The following ELAVL1 variants were observed in gnomAD, a reference collection of about 807,000 sequenced individuals.
The protein encoded by ELAVL1 is ELAV-like protein 1.
In ELAVL1, 1 loss-of-function variant was observed where a neutral mutation model predicts 28.4. The observed-to-expected ratio is 0.04, with a 90% CI of 0.01 to 0.17. The LOEUF is 0.17. Among genes scored for constraint, ELAVL1 ranks in the 10% least tolerant of loss-of-function variants. The pLI, the probability that ELAVL1 is intolerant of heterozygous loss-of-function variation, is 1.00. For missense variants in ELAVL1, 157 were observed against 447.2 expected (o/e 0.35, Z 5.85); for synonymous variants, 174 against 183.5 (o/e 0.95, Z 0.42).
intron 3 of ELAVL1, among the ~76,000 whole-genome samples, chr19:7,976,537 A>T (rs2145209030): frequency 6.6e-6 from 1 of 152,342 alleles, no homozygotes; most frequent in South Asian, 2.1e-4. Flanking sequence ...CTCTAAAGCA[A>T]GCAGTGCCAG....
chr19:8,003,594 A>G (rs2081076601), intron 1 of ELAVL1, among the ~76,000 whole-genome samples: 1 of 148,868 alleles, frequency 6.7e-6, no homozygotes, highest in African/African-American at 2.5e-5. Flanking sequence ...CGGGAGGCTG[A>G]GGCAGAAGAA....
intron 1 of ELAVL1, among the ~76,000 whole-genome samples, chr19:7,998,293 C>T (rs1392116438): frequency 6.6e-6 from 1 of 152,226 alleles, no homozygotes; most frequent in African/African-American, 2.4e-5. Context: ...GTCGTAGCCA[C>T]TTCTGTCTCT....
Position 7,973,710 on chromosome 19 carries a change from G to A in ELAVL1, c.430+15C>T. 6.2e-7 allele frequency: 1 copy of A among 1,610,008 alleles called. No homozygotes were observed. Among genetic ancestry groups the A allele is most frequent in the Non-Finnish European group, 8.5e-7 (1 of 1,176,966 alleles). ...AGAGAACACCCTCCCCACGCGTCTGGGGCCCCTCTGGTACCTGTAGTCTGA... is the reference window on the plus strand; with the variant it reads ...AGAGAACACCCTCCCCACGCGTCTGAGGCCCCTCTGGTACCTGTAGTCTGA... On this transcript the variant is annotated intron_variant, in intron 4 of 5. Coordinates refer to ENST00000407627, the MANE Select transcript of ELAVL1 (RefSeq NM_001419.3).
chr19:7,985,116 C>T (rs771896777), intron 2 of ELAVL1, among the ~76,000 whole-genome samples: 1 of 152,196 alleles, frequency 6.6e-6, no homozygotes, highest in Non-Finnish European at 1.5e-5. Flanking sequence ...GATGGGGTTT[C>T]GCCATGTTGC....
intron 2 of ELAVL1, among the ~76,000 whole-genome samples, chr19:7,991,427 C>G (rs2145222589): frequency 6.6e-6 from 1 of 152,326 alleles, no homozygotes; most frequent in East Asian, 1.9e-4. Context: ...TACATGCTCT[C>G]TGTCTTACAA....
intron 1 of ELAVL1, among the ~76,000 whole-genome samples, chr19:7,997,521 G>GA (rs2145228022): frequency 6.6e-6 from 1 of 152,282 alleles, no homozygotes; most frequent in South Asian, 2.1e-4. Flanking sequence ...CAGGAGGAGG[G>GA]AGTATTTCTG....
At chr19:7,989,588 T>C (rs1985699337) in intron 2 of ELAVL1, among the ~76,000 whole-genome samples, 1 of 152,230 alleles carries the variant, frequency 6.6e-6, no homozygotes, top group South Asian at 2.1e-4. Flanking sequence ...GCAATATCTC[T>C]GGTGCTCAGG....
intron 1 of ELAVL1, among the ~76,000 whole-genome samples, chr19:8,001,427 G>A (rs2081067397): frequency 6.6e-6 from 1 of 152,024 alleles, no homozygotes; most frequent in Non-Finnish European, 1.5e-5. Context: ...TCAGATTCCT[G>A]TCACCTCCTG....
chr19:8,003,920 C>T (rs1052354296), intron 1 of ELAVL1, among the ~76,000 whole-genome samples: 7 of 152,102 alleles, frequency 4.6e-5, no homozygotes, highest in Admixed American at 4.6e-4. Context: ...AACTGGAGTG[C>T]CCTGGAGCCT....
chr19:7,963,352 T>G lies in ELAVL1; in HGVS notation c.*131A>C. ...GGTTGCATCCCAGAGTATAAAAACC[T>G]TCTCACTTCTCATTCAGACAAAGAC... On this transcript the variant is annotated 3_prime_UTR_variant, in exon 6 of 6. Coordinates refer to ENST00000407627, the MANE Select transcript of ELAVL1 (RefSeq NM_001419.3). This position sits in a 1 kb window ranked among gnomAD's most constrained non-coding sequence, Gnocchi z 4.5. The G allele has an allele frequency of 9.1e-7, 1 of 1,095,730 alleles. No homozygotes were observed. The highest frequency in any genetic ancestry group is 1.3e-6 in the Non-Finnish European group (1 of 775,906). 67.9% of individuals were successfully genotyped at this position (1,095,730 alleles called of 1,614,324 possible). A position where few individuals can be genotyped will look rare whatever the true frequency, so the allele number is the denominator to read the frequency against.
chr19:7,991,435 C>A (rs1366699289), intron 2 of ELAVL1, among the ~76,000 whole-genome samples: 3 of 152,188 alleles, frequency 2.0e-5, no homozygotes, highest in East Asian at 3.9e-4. Flanking sequence ...CTCTGTCTTA[C>A]AATGAATTTT....
At chr19:7,994,821 AC>A (rs1985836057) in intron 1 of ELAVL1, among the ~76,000 whole-genome samples, 1 of 152,080 alleles carries the variant, frequency 6.6e-6, no homozygotes, top group Non-Finnish European at 1.5e-5. Context: ...GGGCATGGTG[AC>A]CCATGCCTAT....
At chr19:7,980,518 G>A (rs542143549) in intron 3 of ELAVL1, among the ~76,000 whole-genome samples, 1 of 152,248 alleles carries the variant, frequency 6.6e-6, no homozygotes, top group African/African-American at 2.4e-5. Context: ...CTCATCCCAG[G>A]AAGCCACTAT....
chr19:8,004,092 G>A (rs893978958), intron 1 of ELAVL1, among the ~76,000 whole-genome samples: 3 of 152,294 alleles, frequency 2.0e-5, no homozygotes, highest in Non-Finnish European at 2.9e-5. Flanking sequence ...GAAATTAATG[G>A]AAATTATAAC....
chr19:7,981,251 G>C lies in ELAVL1; in HGVS notation c.173-65C>G. The C allele has an allele frequency of 6.6e-7, 1 of 1,523,560 alleles. No individual in the cohort carries two copies. 94.4% of individuals were successfully genotyped at this position (1,523,560 alleles called of 1,614,324 possible). On this transcript the variant is annotated intron_variant, in intron 2 of 5. Coordinates refer to ENST00000407627, the MANE Select transcript of ELAVL1 (RefSeq NM_001419.3). This position sits in a 1 kb window ranked among gnomAD's most constrained non-coding sequence, Gnocchi z 4.2. ...CTGCGAGTGAGGGACAGGGAGGTCG[G>C]GAAGCACTATATCTGCCTGGCCTTT...
Position 7,963,382 on chromosome 19 carries a change from A to G in ELAVL1, c.*101T>C, listed in dbSNP as rs1175527665. The G allele has an allele frequency of 2.2e-6, 3 of 1,370,550 alleles. No homozygotes were observed. Among genetic ancestry groups the G allele is most frequent in the Admixed American group, 4.8e-5 (2 of 41,760 alleles). The allele number at this position is 1,370,550 out of a possible 1,614,324, so 84.9% of individuals were successfully genotyped here. Reference sequence around the variant, plus strand: ...ACTTCTCATTCAGACAAAGACAAACACTTGTGAAAATTGGCGCAAAATGAG... The same window carrying G: ...ACTTCTCATTCAGACAAAGACAAACGCTTGTGAAAATTGGCGCAAAATGAG... On this transcript the variant is annotated 3_prime_UTR_variant, in exon 6 of 6. Coordinates refer to ENST00000407627, the MANE Select transcript of ELAVL1 (RefSeq NM_001419.3). This position sits in a 1 kb window ranked among gnomAD's most constrained non-coding sequence, Gnocchi z 4.5.
At chr19:7,972,341 C>CGGAGCACA (rs1985138704) in intron 4 of ELAVL1, among the ~76,000 whole-genome samples, 1 of 152,234 alleles carries the variant, frequency 6.6e-6, no homozygotes, top group South Asian at 2.1e-4. Flanking sequence ...GCAGTAGGGC[C>CGGAGCACA]GGAGCACAGC....
intron 3 of ELAVL1, among the ~76,000 whole-genome samples, chr19:7,975,482 T>A (rs937389072): frequency 6.6e-6 from 1 of 152,256 alleles, no homozygotes; most frequent in African/African-American, 2.4e-5. Context: ...CAGGCTAGAA[T>A]CAGAACAGCT....
chr19:7,966,542 C>CT (rs1173647742), intron 5 of ELAVL1, among the ~76,000 whole-genome samples: 3 of 152,226 alleles, frequency 2.0e-5, no homozygotes, highest in Non-Finnish European at 4.4e-5. Flanking sequence ...GATCAAATGT[C>CT]TAAGAATGCT....
Sources: allele counts gnomAD v4.1 joint callset (sites outside exome capture counted in the v4.1 genomes callset), GRCh38; gene constraint gnomAD v4.1.1; non-coding constraint Gnocchi (gnomAD v3.1); transcripts MANE v1.5; gene names NCBI Gene and HGNC (gene_info 2026-07-23, HGNC 2026-07-21).